TNPO3: variants seen among roughly 807,000 people sequenced by gnomAD.
TNPO3 encodes transportin 3, also known as transportin-3.
A neutral mutation model predicts 122.8 loss-of-function variants in TNPO3; 65 were observed. That is an observed-to-expected ratio of 0.53 (90% CI 0.43 to 0.65). The LOEUF is 0.65. Ranked by LOEUF, TNPO3 falls within the 30% of genes least tolerant of loss-of-function variation. The pLI, the probability that TNPO3 is intolerant of heterozygous loss-of-function variation, is 0.00. For missense variants in TNPO3, 850 were observed against 1,136.7 expected (o/e 0.75, Z 3.63); for synonymous variants, 372 against 411.2 (o/e 0.90, Z 1.15).
At chr7:128,981,547 A>G (rs1410436987) in intron 14 of TNPO3, among the ~76,000 whole-genome samples, 1 of 152,130 alleles carries the variant, frequency 6.6e-6, no homozygotes, top group Non-Finnish European at 1.5e-5. Context: ...AATTATCAGA[A>G]ATGCAAATTT....
intron 1 of TNPO3, among the ~76,000 whole-genome samples, chr7:129,025,387 A>C (rs946415814): frequency 2.1e-4 from 27 of 127,014 alleles, no homozygotes; most frequent in African/African-American, 7.2e-4. Flanking sequence ...AAAAAAAAAA[A>C]AAAAAAAAAA....
At chr7:128,972,306 A>G (rs1372283455) in intron 19 of TNPO3, 120 bp downstream of exon 19, 3 of 1,146,684 alleles carry the variant, frequency 2.6e-6, no homozygotes, top group Non-Finnish European at 2.4e-6. Flanking sequence ...CCACTATGAT[A>G]TATGTCTACC....
chr7:128,970,169 C>A lies in TNPO3; in HGVS notation c.2577G>T (p.Glu859Asp). Residue 859 changes from glutamate to aspartate, a missense_variant, in exon 20 of 23, where the codon GAG becomes GAT. Transcript: ENST00000265388. Reference sequence around the variant, plus strand: ...TTACCGGTCTGTCAACCTGCATGATCTCCCAGAGCACTTCAGCCACATCTG... The same window carrying A: ...TTACCGGTCTGTCAACCTGCATGATATCCCAGAGCACTTCAGCCACATCTG... The part of the protein sequence containing the change: ...TLPDVAEVLW[E>D]IMQVDRPTFC... 1 of 1,614,198 alleles carries A rather than the reference C, an allele frequency of 6.2e-7. No homozygotes were observed. Among genetic ancestry groups the A allele is most frequent in the Non-Finnish European group, 8.5e-7 (1 of 1,180,030 alleles).
rs112438598 is a variant in TNPO3 at position 128,975,947 on chromosome 7, A to C, written c.2062-12T>G. 0.03 allele frequency: 47,092 copies of C among 1,571,134 alleles called. 1,569 individuals carry two copies. The highest frequency in any genetic ancestry group is 0.17 in the African/African-American group (12,881 of 74,186). ...TACACATTCACCATCTGTTGAGGGA[A>C]AAAACAATTAGTTCAATGCTTCGTC... On this transcript the variant is annotated splice_polypyrimidine_tract_variant and intron_variant, in intron 16 of 22. Transcript: ENST00000265388.
rs906666865 is a variant in TNPO3 at position 129,005,281 on chromosome 7, G to A, written c.553-122C>T. ...AATAAAACAGCCAACGGTTAAAAGT[G>A]CTTTTTAAGTTTAAGTGTCACTGTT... On this transcript the variant is annotated intron_variant, in intron 4 of 22. Coordinates refer to ENST00000265388, the MANE Select transcript of TNPO3 (RefSeq NM_012470.4). The A allele has an allele frequency of 5.6e-5, 53 of 952,602 alleles. 2 individuals carry two copies. The South Asian group carries it at 5.9e-4, about 11-fold the overall frequency. 59.0% of individuals were successfully genotyped at this position (952,602 alleles called of 1,614,324 possible).
chr7:129,026,905 A>G (rs963467189), intron 1 of TNPO3, among the ~76,000 whole-genome samples: 2 of 151,672 alleles, frequency 1.3e-5, no homozygotes, highest in Non-Finnish European at 2.9e-5. Flanking sequence ...TGATCTGCCT[A>G]CCTCAGCCTC....
chr7:128,997,583 T>G lies in TNPO3; in HGVS notation c.1012-48A>C, dbSNP rs745908280. 10 of 1,510,440 alleles carry G rather than the reference T, an allele frequency of 6.6e-6. No homozygotes were observed. In the Admixed American group the frequency reaches 1.1e-4, roughly 16 times the overall value. 93.6% of individuals were successfully genotyped at this position (1,510,440 alleles called of 1,614,324 possible). A position where few individuals can be genotyped will look rare whatever the true frequency, so the allele number is the denominator to read the frequency against. ...TTATTTGAATGGGAAAGGAATAGAATAAGAAGACATTTTATTATCACCACG... is the reference window on the plus strand; with the variant it reads ...TTATTTGAATGGGAAAGGAATAGAAGAAGAAGACATTTTATTATCACCACG... On this transcript the variant is annotated intron_variant, in intron 7 of 22. Coordinates refer to ENST00000265388, the MANE Select transcript of TNPO3 (RefSeq NM_012470.4).
chr7:129,028,680 G>A (rs922106423), intron 1 of TNPO3, among the ~76,000 whole-genome samples: 2 of 152,224 alleles, frequency 1.3e-5, no homozygotes, highest in African/African-American at 2.4e-5. Flanking sequence ...AGGCACAGCA[G>A]AGAGGTCCTG....
intron 21 of TNPO3, among the ~76,000 whole-genome samples, chr7:128,958,073 C>T (rs1230280013): frequency 6.7e-6 from 1 of 149,892 alleles, no homozygotes; most frequent in Non-Finnish European, 1.5e-5. Flanking sequence ...GTCTTCATAA[C>T]AGTTTTTGCT....
At chr7:128,957,377 A>G in intron 21 of TNPO3, 62 bp from the exon 22 acceptor site, 1 of 1,553,572 alleles carries the variant, frequency 6.4e-7, no homozygotes, top group Non-Finnish European at 8.8e-7. Context: ...GCTGAAAAAC[A>G]ACTGCAACAT....
chr7:129,000,533 A>G lies in TNPO3; in HGVS notation c.907T>C (p.Cys303Arg). 6.2e-7 allele frequency: 1 copy of G among 1,614,076 alleles called. No individual in the cohort carries two copies. The highest frequency in any genetic ancestry group is 8.5e-7 in the Non-Finnish European group (1 of 1,179,926). The change falls in exon 7 of 23, where the codon TGT becomes CGT. Residue 303 changes from cysteine (C) to arginine (R), a missense_variant. By Grantham distance (180) the Cys-to-Arg change is radical. Transcript: ENST00000265388. ...ACAATTTTTTCAAGAAAAGTTTCAC[A>G]TAGTTCAGTGAAAATACGGCAGTAA... is the stretch of plus-strand genomic sequence containing the variant. ...LNYCRIFTELCETFLEKIVCT... is the reference protein window; with the variant it reads ...LNYCRIFTELRETFLEKIVCT...
At chr7:129,010,225 G>A (rs1803034119) in intron 4 of TNPO3, among the ~76,000 whole-genome samples, 1 of 152,138 alleles carries the variant, frequency 6.6e-6, no homozygotes, top group Admixed American at 6.6e-5. Context: ...GGAGTGCACT[G>A]GCACAATCGT....
At chr7:128,960,748 A>G (rs1054367309) in intron 21 of TNPO3, among the ~76,000 whole-genome samples, 2 of 150,518 alleles carry the variant, frequency 1.3e-5, no homozygotes, top group African/African-American at 4.9e-5. Context: ...GCAAGAGTTA[A>G]TTTATTATTA....
chr7:128,957,384 A>G, intron 21 of TNPO3, 69 bp from the exon 22 acceptor site: 1 of 1,494,326 alleles, frequency 6.7e-7, no homozygotes, highest in Non-Finnish European at 9.3e-7. Context: ...AACAACTGCA[A>G]CATTGGGGCA....
At chr7:129,015,269 C>T in intron 3 of TNPO3, 134 bp from the exon 4 acceptor site, 1 of 831,506 alleles carries the variant, frequency 1.2e-6, no homozygotes, top group Non-Finnish European at 1.8e-6. Flanking sequence ...AAAAAAGATA[C>T]AAACATAAAT....
At chr7:129,000,029 A>G (rs1248623742) in intron 7 of TNPO3, among the ~76,000 whole-genome samples, 1 of 152,224 alleles carries the variant, frequency 6.6e-6, no homozygotes, top group Non-Finnish European at 1.5e-5. Context: ...GAGACCCTTA[A>G]GTCCTTTCAA....
intron 11 of TNPO3, among the ~76,000 whole-genome samples, chr7:128,989,187 T>G (rs569485511): frequency 6.6e-6 from 1 of 152,194 alleles, no homozygotes; most frequent in Non-Finnish European, 1.5e-5. Context: ...TTTTAGCATG[T>G]GTTTCAGTCA....
At chr7:129,001,432 G>A (rs1192837256) in intron 5 of TNPO3, among the ~76,000 whole-genome samples, 198 bp from the exon 6 acceptor site, 1 of 152,108 alleles carries the variant, frequency 6.6e-6, no homozygotes, top group Non-Finnish European at 1.5e-5. Flanking sequence ...ATTGTATTAG[G>A]TATTATAAGT....
chr7:128,988,641 T>C (rs1341617584), intron 11 of TNPO3, among the ~76,000 whole-genome samples: 2 of 152,186 alleles, frequency 1.3e-5, no homozygotes, highest in African/African-American at 4.8e-5. Context: ...TGCTGCTTTC[T>C]GGACATTAAC....
Sources: allele counts gnomAD v4.1 joint callset (sites outside exome capture counted in the v4.1 genomes callset), GRCh38; gene constraint gnomAD v4.1.1; transcripts MANE v1.5; gene names NCBI Gene and HGNC (gene_info 2026-07-23, HGNC 2026-07-21).